Variants in HPSE2 observed in about 807,000 individuals in gnomAD.
HPSE2 encodes the protein heparanase 2 (inactive).
Under a neutral mutation model 60.5 loss-of-function variants are expected in HPSE2, and 38 were observed. The observed-to-expected ratio is 0.63, with a 90% CI of 0.48 to 0.82. The LOEUF is 0.82. Ranked by LOEUF, HPSE2 falls within the 40% of genes least tolerant of loss-of-function variation. The pLI is 0.00. For missense variants in HPSE2, 713 were observed against 740.4 expected (o/e 0.96, Z 0.43); for synonymous variants, 295 against 293.2 (o/e 1.01, Z -0.06).
At chr10:99,136,863 T>A (rs1276480542) in intron 3 of HPSE2, among the ~76,000 whole-genome samples, 2 of 152,136 alleles carry the variant, frequency 1.3e-5, no homozygotes, top group African/African-American at 4.8e-5. Flanking sequence ...CCACTCCTAC[T>A]CAACATACTA....
chr10:98,696,064 A>G (rs1948203931), intron 5 of HPSE2, among the ~76,000 whole-genome samples: 1 of 152,136 alleles, frequency 6.6e-6, no homozygotes. Flanking sequence ...GCCCAAGAAT[A>G]AAGAGGAAGA....
intron 2 of HPSE2, among the ~76,000 whole-genome samples, chr10:99,217,435 AC>A (rs1849165757): frequency 6.6e-6 from 1 of 152,024 alleles, no homozygotes; most frequent in Admixed American, 6.6e-5. Context: ...GCCACTACAG[AC>A]CATCTGAAGT....
At chr10:98,639,013 G>A (rs924431538) in intron 7 of HPSE2, among the ~76,000 whole-genome samples, 2 of 152,170 alleles carry the variant, frequency 1.3e-5, no homozygotes, top group South Asian at 4.1e-4. Flanking sequence ...TGCCACTCCC[G>A]CATTGAAAGG....
chr10:98,498,870 G>A (rs1045666236), intron 9 of HPSE2, among the ~76,000 whole-genome samples: 1 of 152,140 alleles, frequency 6.6e-6, no homozygotes. Flanking sequence ...GAAAGTCTCA[G>A]CAATAGAACT....
intron 9 of HPSE2, among the ~76,000 whole-genome samples, chr10:98,594,901 A>C (rs1945188251): frequency 1.3e-5 from 2 of 152,156 alleles, no homozygotes; most frequent in South Asian, 4.1e-4. Context: ...TAATGACTGT[A>C]CTAATTTACA....
chr10:98,965,787 A>T (rs1955798967), intron 3 of HPSE2, among the ~76,000 whole-genome samples: 1 of 152,232 alleles, frequency 6.6e-6, no homozygotes, highest in Non-Finnish European at 1.5e-5. Flanking sequence ...TGTATTCAGA[A>T]TATATCATTC....
At chr10:98,622,351 T>C (rs552295953) in intron 7 of HPSE2, among the ~76,000 whole-genome samples, 14 of 152,208 alleles carry the variant, frequency 9.2e-5, no homozygotes, top group Non-Finnish European at 7.3e-5. Flanking sequence ...AAAGATTATA[T>C]AAGAGAGAGG....
intron 3 of HPSE2, among the ~76,000 whole-genome samples, chr10:98,940,382 A>G (rs1954954848): frequency 7.0e-6 from 1 of 143,564 alleles, no homozygotes. Context: ...TAGACGCAAT[A>G]AAAAATGATA....
At chr10:98,960,726 A>ATTTTTTTTTTTTTTTTTTTTTTTTT (rs68091060) in intron 3 of HPSE2, among the ~76,000 whole-genome samples, 2 of 102,602 alleles carry the variant, frequency 1.9e-5, no homozygotes, top group African/African-American at 4.0e-5. Flanking sequence ...TTTTTGTTTT[A>ATTTTTTTTTTTTTTTTTTTTTTTTT]TTTTTTTTAT....
chr10:98,503,383 C>T (rs1320745339), intron 9 of HPSE2, among the ~76,000 whole-genome samples: 3 of 152,068 alleles, frequency 2.0e-5, no homozygotes, highest in African/African-American at 4.8e-5. Flanking sequence ...GGTGTGGATG[C>T]AGTGAACAGG....
intron 11 of HPSE2, among the ~76,000 whole-genome samples, chr10:98,470,316 A>C (rs889070739): frequency 6.6e-6 from 1 of 152,224 alleles, no homozygotes; most frequent in African/African-American, 2.4e-5. Flanking sequence ...GATCCCACAG[A>C]TATCCAAGTG....
At chr10:98,644,878 C>T (rs1250148151) in intron 6 of HPSE2, among the ~76,000 whole-genome samples, 1 of 152,218 alleles carries the variant, frequency 6.6e-6, no homozygotes, top group Non-Finnish European at 1.5e-5. Context: ...TCCAATCATT[C>T]TCAGGTAATC....
chr10:99,198,922 A>G lies in HPSE2; in HGVS notation c.448+33426T>C, dbSNP rs527318844. On this transcript the variant is annotated intron_variant, in intron 2 of 11. Coordinates refer to ENST00000370552, the MANE Select transcript of HPSE2 (RefSeq NM_021828.5). ...AGTTTGACTATCTCAAATACTTCAT[A>G]TAAGCGAGATCATGCAATATTTGTC... Among the ~76,000 whole-genome samples, 6 of 152,304 alleles carry G rather than the reference A, an allele frequency of 3.9e-5. No homozygotes were observed. In the East Asian group the frequency reaches 9.6e-4, roughly 24 times the overall value.
At chr10:98,600,264 G>A (rs10883149) in intron 9 of HPSE2, among the ~76,000 whole-genome samples, 1 of 152,018 alleles carries the variant, frequency 6.6e-6, no homozygotes, top group African/African-American at 2.4e-5. Flanking sequence ...TATACTACAT[G>A]CATAAAAGGA....
chr10:98,782,851 T>A (rs1222848952), intron 3 of HPSE2, among the ~76,000 whole-genome samples: 2 of 134,936 alleles, frequency 1.5e-5, no homozygotes, highest in Non-Finnish European at 3.2e-5. Flanking sequence ...AAATGAGACT[T>A]AAGAATTTTT....
chr10:99,152,246 G>A (rs931914415), intron 2 of HPSE2, among the ~76,000 whole-genome samples: 1 of 150,112 alleles, frequency 6.7e-6, no homozygotes, highest in African/African-American at 2.5e-5. Flanking sequence ...GGGAGGCAGA[G>A]CTTGCAGTGA....
chr10:98,808,987 A>AT (rs1344731097), intron 3 of HPSE2, among the ~76,000 whole-genome samples: 1 of 152,090 alleles, frequency 6.6e-6, no homozygotes, highest in African/African-American at 2.4e-5. Flanking sequence ...TAATTTACAG[A>AT]TTTTAACTTT....
At chr10:99,178,800 G>A (rs1438224770) in intron 2 of HPSE2, among the ~76,000 whole-genome samples, 1 of 152,050 alleles carries the variant, frequency 6.6e-6, no homozygotes, top group Non-Finnish European at 1.5e-5. Flanking sequence ...ACCAAAACCT[G>A]GCAGAGACAC....
chr10:99,024,032 T>C (rs1957323736), intron 3 of HPSE2, among the ~76,000 whole-genome samples: 1 of 152,264 alleles, frequency 6.6e-6, no homozygotes, highest in African/African-American at 2.4e-5. Flanking sequence ...GAAACAGAGA[T>C]ATGTGATCTT....
Sources: gnomAD v4.1 joint callset for allele counts (sites outside exome capture counted in the v4.1 genomes callset) on GRCh38, gnomAD v4.1.1 for gene constraint, MANE v1.5 for transcripts, NCBI Gene and HGNC (gene_info 2026-07-23, HGNC 2026-07-21) for gene names.